ZSWIM3: variants seen among roughly 807,000 people sequenced by gnomAD.
ZSWIM3 encodes zinc finger SWIM domain-containing protein 3.
ZSWIM3 carries 27 observed loss-of-function variants against 47.5 expected under a neutral mutation model. The ratio of observed to expected loss-of-function variants is 0.57; its 90% confidence interval spans 0.42 to 0.78. The LOEUF (loss-of-function observed/expected upper bound fraction) is 0.78. Among genes scored for constraint, ZSWIM3 ranks in the 30% least tolerant of loss-of-function variants. The pLI, the probability that ZSWIM3 is intolerant of heterozygous loss-of-function variation, is 0.00. For synonymous variants in ZSWIM3, 333 were observed against 333.9 expected (o/e 1.00, Z 0.03); for missense variants, 689 against 861.3 (o/e 0.80, Z 2.50).
intron 1 of ZSWIM3, among the ~76,000 whole-genome samples, chr20:45,868,195 G>A (rs75000325): frequency 3.4e-3 from 525 of 152,258 alleles, no homozygotes; most frequent in South Asian, 5.6e-3. Context: ...AGGACTAGGC[G>A]AAATCCCTGC....
At chr20:45,868,591 C>T (rs1039170487) in intron 1 of ZSWIM3, among the ~76,000 whole-genome samples, 40 of 151,914 alleles carry the variant, frequency 2.6e-4, no homozygotes, top group African/African-American at 9.2e-4. Context: ...CCATGTTGGC[C>T]AGGCTGGTCT....
Position 45,863,182 on chromosome 20 carries a change from TTTG to T in ZSWIM3, c.155+5205_155+5207del. Reference sequence around the variant, plus strand: ...ATTGATTTCCTTGTTTTTTTTTTTGTTTGTTTGTTTGTTTTTTTGTTTGTTTTT... The same window carrying T: ...ATTGATTTCCTTGTTTTTTTTTTTGTTTTGTTTGTTTTTTTGTTTGTTTTT... On this transcript the variant is annotated intron_variant, in intron 1 of 1. Transcript: ENST00000255152. Among the ~76,000 whole-genome samples the T allele has an allele frequency of 3.5e-4, 13 of 37,014 alleles. 1 individual carries two copies. Among genetic ancestry groups the T allele is most frequent in the Non-Finnish European group, 6.3e-4 (8 of 12,626 alleles). 24.3% of individuals were successfully genotyped at this position (37,014 alleles called of 152,430 possible).
At chr20:45,873,409 A>G (rs1233697931) in intron 1 of ZSWIM3, among the ~76,000 whole-genome samples, 2 of 152,286 alleles carry the variant, frequency 1.3e-5, no homozygotes, top group African/African-American at 4.8e-5. Flanking sequence ...CTCAAAAAAA[A>G]AAGCATCTGC....
Position 45,877,924 on chromosome 20 carries a change from G to C in ZSWIM3, c.1366G>C (p.Ala456Pro), listed in dbSNP as rs779334279. ...PASMPLKSKK[A>P]FGICGESLTS... ...AAGCATGCCACTGAAGTCCAAGAAG[G>C]CTTTTGGAATCTGTGGAGAGAGCCT... Residue 456 changes from alanine to proline, a missense_variant, in exon 2 of 2, where the codon GCT becomes CCT. Ala to Pro is a conservative substitution (Grantham distance 27, BLOSUM62 -1). Coordinates refer to ENST00000255152, the MANE Select transcript of ZSWIM3 (RefSeq NM_080752.4). The C allele has an allele frequency of 4.1e-5, 66 of 1,614,080 alleles. 1 individual carries two copies. The highest frequency in any genetic ancestry group is 2.3e-4 in the South Asian group (21 of 91,094).
In ZSWIM3 at chr20:45,857,754, T is replaced by G; in HGVS notation, c.-72T>G. 17 of 1,558,712 alleles carry G rather than the reference T, an allele frequency of 1.1e-5. No homozygotes were observed. The highest frequency in any genetic ancestry group is 1.5e-5 in the Non-Finnish European group (17 of 1,145,990). ...CGCCTGCCTATAAACCCTCATAGTGTGACCTTTGACCCCTGGTGTGATCTT... is the reference window on the plus strand; with the variant it reads ...CGCCTGCCTATAAACCCTCATAGTGGGACCTTTGACCCCTGGTGTGATCTT... On this transcript the variant is annotated 5_prime_UTR_variant, in exon 1 of 2. Coordinates refer to ENST00000255152, the MANE Select transcript of ZSWIM3 (RefSeq NM_080752.4).
chr20:45,872,833 C>T, intron 1 of ZSWIM3: 3 of 1,275,966 alleles, frequency 2.4e-6, no homozygotes, highest in Middle Eastern at 2.2e-4. Context: ...TAGGTACAGA[C>T]ACTCTCAGCC....
At chr20:45,872,587 C>T (rs1985998210) in intron 1 of ZSWIM3, 3 of 638,186 alleles carry the variant, frequency 4.7e-6, no homozygotes, top group South Asian at 3.6e-5. Context: ...GTAGGAAGGG[C>T]ATTCCAGACA....
At chr20:45,861,177 A>C (rs1182076516) in intron 1 of ZSWIM3, among the ~76,000 whole-genome samples, 2 of 152,220 alleles carry the variant, frequency 1.3e-5, no homozygotes, top group Non-Finnish European at 1.5e-5. Context: ...GCACTTTGGT[A>C]GGCTGAGGCA....
At chr20:45,858,941 A>G (rs1985626124) in intron 1 of ZSWIM3, among the ~76,000 whole-genome samples, 1 of 152,190 alleles carries the variant, frequency 6.6e-6, no homozygotes, top group Non-Finnish European at 1.5e-5. Flanking sequence ...TTAACTTTGA[A>G]TTTTACTTTA....
Position 45,877,975 on chromosome 20 carries a change from A to G in ZSWIM3, c.1417A>G (p.Lys473Glu), listed in dbSNP as rs762420509. 1.9e-6 allele frequency: 3 copies of G among 1,614,178 alleles called. No homozygotes were observed. The South Asian group carries it at 3.3e-5, about 18-fold the overall frequency. ...SLTSLPAEET[K>E]PDAQQVQVQQ... The stretch of plus-strand genomic sequence containing the variant: ...TACCAGCCTCCCTGCAGAAGAGACC[A>G]AGCCAGACGCACAGCAGGTACAGGT... Residue 473 changes from lysine (K) to glutamate (E), a missense_variant, in exon 2 of 2, where the codon AAG (lysine) becomes GAG (glutamate). By Grantham distance (56) the Lys-to-Glu change is moderately conservative. Transcript: ENST00000255152.
chr20:45,878,893 C>T lies in ZSWIM3; in HGVS notation c.*244C>T, dbSNP rs1986177192. ...TTGTTGTTCAAGGCCAAAGTTATCT[C>T]CGTGCTGCAAGGTCACCCTCTTCCT... On this transcript the variant is annotated 3_prime_UTR_variant, in exon 2 of 2. Coordinates refer to ENST00000255152, the MANE Select transcript of ZSWIM3 (RefSeq NM_080752.4). The T allele has an allele frequency of 2.1e-6, 1 of 483,720 alleles. No individual in the cohort carries two copies. The highest frequency in any genetic ancestry group is 3.6e-5 in the East Asian group (1 of 27,632). 30.0% of individuals were successfully genotyped at this position (483,720 alleles called of 1,614,324 possible).
intron 1 of ZSWIM3, among the ~76,000 whole-genome samples, chr20:45,861,426 TAAAAAA>T (rs11475720): frequency 2.2e-5 from 3 of 134,772 alleles, no homozygotes; most frequent in African/African-American, 8.5e-5. Flanking sequence ...ATCCTGTCTC[TAAAAAA>T]AAAAAAAAAA....
chr20:45,857,747 CAT>C lies in ZSWIM3; in HGVS notation c.-77_-76del. The C allele has an allele frequency of 1.3e-6, 2 of 1,543,052 alleles. No individual in the cohort carries two copies. The highest frequency in any genetic ancestry group is 1.8e-6 in the Non-Finnish European group (2 of 1,135,614). ...GGGCCCACGCCTGCCTATAAACCCT[CAT>C]AGTGTGACCTTTGACCCCTGGTGTG... is the stretch of plus-strand genomic sequence containing the variant. On this transcript the variant is annotated 5_prime_UTR_variant, in exon 1 of 2. Coordinates refer to ENST00000255152, the MANE Select transcript of ZSWIM3 (RefSeq NM_080752.4).
intron 1 of ZSWIM3, among the ~76,000 whole-genome samples, chr20:45,861,725 C>G (rs1380550788): frequency 2.0e-5 from 3 of 150,324 alleles, no homozygotes; most frequent in African/African-American, 2.4e-5. Flanking sequence ...CAGGTATGCA[C>G]CCCCATGCCA....
rs1194807513 is a variant in ZSWIM3 at position 45,878,839 on chromosome 20, C to T, written c.*190C>T. On this transcript the variant is annotated 3_prime_UTR_variant, in exon 2 of 2. Coordinates refer to ENST00000255152, the MANE Select transcript of ZSWIM3 (RefSeq NM_080752.4). Reference sequence around the variant, plus strand: ...CCTTTCAATCTGCCCCTTTTCAGCCCTACTTTTGGCATTCCTTGGGAGCCT... The same window carrying T: ...CCTTTCAATCTGCCCCTTTTCAGCCTTACTTTTGGCATTCCTTGGGAGCCT... The T allele has an allele frequency of 1.3e-6, 1 of 752,988 alleles. No individual in the cohort carries two copies. Among genetic ancestry groups the T allele is most frequent in the African/African-American group, 1.8e-5 (1 of 56,836 alleles). 46.6% of individuals were successfully genotyped at this position (752,988 alleles called of 1,614,324 possible).
At chr20:45,872,900 C>T (rs1601116756) in intron 1 of ZSWIM3, 1 of 1,182,520 alleles carries the variant, frequency 8.5e-7, no homozygotes, top group East Asian at 6.7e-5. Context: ...CCCAAGCTTG[C>T]CCCACAGGGT....
rs1986138469 is a variant in ZSWIM3 at position 45,877,733 on chromosome 20, T to C, written c.1175T>C (p.Met392Thr). 1.2e-6 allele frequency: 2 copies of C among 1,613,910 alleles called. No homozygotes were observed. The highest frequency in any genetic ancestry group is 1.7e-6 in the Non-Finnish European group (2 of 1,179,932). Residue 392 changes from methionine (M) to threonine (T), a missense_variant, in exon 2 of 2, where the codon ATG becomes ACG. Transcript: ENST00000255152. ...RKGLLACNTY[M>T]DSLDIVTSKV... Reference sequence around the variant, plus strand: ...GGCCTGCTTGCGTGTAACACCTACATGGACAGCCTAGACATTGTCACCAGC... The same window carrying C: ...GGCCTGCTTGCGTGTAACACCTACACGGACAGCCTAGACATTGTCACCAGC...
In ZSWIM3 at chr20:45,877,222, T is replaced by C. The variant is rs1986120847; in HGVS notation, c.664T>C (p.Leu222=). Residue 222 remains leucine (L), a synonymous_variant, in exon 2 of 2, where the codon TTG becomes CTG. Transcript: ENST00000255152. ...DLFIRFPENL[L]LHRVENTQGH... is the part of the protein sequence containing the mutation. ...GTTCATCCGCTTCCCAGAGAATCTC[T>C]TGCTACACCGGGTGGAGAACACCCA... 6.2e-7 allele frequency: 1 copy of C among 1,612,760 alleles called. No individual in the cohort carries two copies. The highest frequency in any genetic ancestry group is 8.5e-7 in the Non-Finnish European group (1 of 1,178,994).
chr20:45,869,707 A>G (rs1234123560), intron 1 of ZSWIM3, among the ~76,000 whole-genome samples: 2 of 151,988 alleles, frequency 1.3e-5, no homozygotes, highest in African/African-American at 4.8e-5. Flanking sequence ...TGTCCTTAGG[A>G]AGGCTCCCCA....
Sources: gnomAD v4.1 joint callset for allele counts (sites outside exome capture counted in the v4.1 genomes callset) on GRCh38, gnomAD v4.1.1 for gene constraint, MANE v1.5 for transcripts, NCBI Gene and HGNC (gene_info 2026-07-23, HGNC 2026-07-21) for gene names.